PIWIL3: variants seen among roughly 807,000 people sequenced by gnomAD.
PIWIL3 encodes piwi-like protein 3.
In PIWIL3, 101 loss-of-function variants were observed where a neutral mutation model predicts 109.7. The observed-to-expected ratio is 0.92, with a 90% CI of 0.78 to 1.09. The LOEUF is 1.09. PIWIL3 is among the 50% of genes least tolerant of loss of function. The pLI, the probability that PIWIL3 is intolerant of heterozygous loss-of-function variation, is 0.00. For synonymous variants in PIWIL3, 373 were observed against 376.4 expected, an observed-to-expected ratio of 0.99 and a Z score of 0.10; for missense variants, 1,031 against 1,072.6, an observed-to-expected ratio of 0.96 and a Z score of 0.54.
intron 7 of PIWIL3, 139 bp from the exon 8 acceptor site, chr22:24,754,356 A>T: frequency 3.0e-6 from 2 of 671,102 alleles, no homozygotes; most frequent in Non-Finnish European, 4.9e-6. Flanking sequence ...AAGGACCTTC[A>T]GATAAACATT....
intron 1 of PIWIL3, among the ~76,000 whole-genome samples, chr22:24,764,595 C>T (rs1925673045): frequency 6.7e-6 from 1 of 148,388 alleles, no homozygotes; most frequent in Admixed American, 6.7e-5. Flanking sequence ...TCTATTTATT[C>T]CAGGTTTCTG....
intron 2 of PIWIL3, 33 bp from the exon 3 acceptor site, chr22:24,760,022 G>T (rs751094184): frequency 1.9e-6 from 3 of 1,611,838 alleles, no homozygotes; most frequent in Non-Finnish European, 1.7e-6. Flanking sequence ...ATAATGAGCA[G>T]TGCCCTACTG....
Position 24,748,917 on chromosome 22 carries a change from C to T in PIWIL3, c.1439G>A (p.Gly480Asp), listed in dbSNP as rs771552500. 3.7e-6 allele frequency: 6 copies of T among 1,610,286 alleles called. No individual in the cohort carries two copies. The South Asian group carries it at 4.4e-5, about 12-fold the overall frequency. The change falls in exon 12 of 21, where the codon GGC becomes GAC. Residue 480 changes from glycine (G) to aspartate (D), a missense_variant. By Grantham distance (94) the Gly-to-Asp change is moderately conservative (BLOSUM62 -1). Coordinates refer to ENST00000616349, the MANE Select transcript of PIWIL3 (RefSeq NM_001255975.1). ...RVLKNANIVQ[G>D]RRMVKANSQG... ...TTGAAACTGTCTTACCATTCTTCTGCCTTGCACGATGTTTGCGTTTTTCAA... is the reference window on the plus strand; with the variant it reads ...TTGAAACTGTCTTACCATTCTTCTGTCTTGCACGATGTTTGCGTTTTTCAA...
At chr22:24,749,914 A>T in intron 9 of PIWIL3, 95 bp from the exon 10 acceptor site, 1 of 1,553,112 alleles carries the variant, frequency 6.4e-7, no homozygotes, top group Non-Finnish European at 8.9e-7. Context: ...ACTACAAATG[A>T]AGGGCCACAG....
chr22:24,737,557 G>A (rs923308882), intron 12 of PIWIL3, among the ~76,000 whole-genome samples: 5 of 152,146 alleles, frequency 3.3e-5, no homozygotes, highest in African/African-American at 1.2e-4. Context: ...GAAAAGTAGA[G>A]GGAAAAGTGG....
At chr22:24,762,161 G>T in intron 2 of PIWIL3, 2 of 922,684 alleles carry the variant, frequency 2.2e-6, no homozygotes, top group Non-Finnish European at 2.8e-6. Flanking sequence ...TCCACTTTGG[G>T]CTGAAAGTCA....
intron 1 of PIWIL3, among the ~76,000 whole-genome samples, chr22:24,764,118 G>A (rs575286639): frequency 6.6e-6 from 1 of 152,324 alleles, no homozygotes; most frequent in East Asian, 1.9e-4. Flanking sequence ...CGCACACTCA[G>A]GAAAGCAGGC....
Position 24,757,947 on chromosome 22 carries a change from T to C in PIWIL3, c.316A>G (p.Thr106Ala). The C allele has an allele frequency of 6.2e-7, 1 of 1,613,790 alleles. No homozygotes were observed. The highest frequency in any genetic ancestry group is 8.5e-7 in the Non-Finnish European group (1 of 1,179,892). Residue 106 changes from threonine to alanine, a missense_variant, in exon 4 of 21, where the codon ACC (threonine) becomes GCC (alanine). Physicochemically the swap from Thr to Ala is moderately conservative, Grantham distance 58. Transcript: ENST00000616349. The part of the protein sequence containing the change: ...GGVFQDLVVN[T>A]RQDMKHVKDS... ...TTAACATGCTTCATATCTTGCCTGG[T>C]GTTCACCACCAGGTCTTGAAAAACT... is the stretch of plus-strand genomic sequence containing the variant.
intron 14 of PIWIL3, among the ~76,000 whole-genome samples, chr22:24,729,885 A>G (rs1211143365): frequency 6.7e-6 from 1 of 150,188 alleles, no homozygotes; most frequent in Non-Finnish European, 1.5e-5. Flanking sequence ...TTGGTGTTTC[A>G]TATTTTATTA....
chr22:24,740,673 A>G (rs1021740746), intron 12 of PIWIL3, among the ~76,000 whole-genome samples: 4 of 152,164 alleles, frequency 2.6e-5, no homozygotes, highest in Non-Finnish European at 5.9e-5. Flanking sequence ...AGATGGATAA[A>G]TTCCTGGAAC....
chr22:24,740,547 CAA>C (rs528700128), intron 12 of PIWIL3, among the ~76,000 whole-genome samples: 7 of 112,448 alleles, frequency 6.2e-5, no homozygotes, highest in Admixed American at 1.9e-4. Flanking sequence ...GACTCCATCT[CAA>C]AAAAAAAAAA....
intron 5 of PIWIL3, 146 bp downstream of exon 5, chr22:24,756,345 G>T: frequency 1.4e-6 from 1 of 711,862 alleles, no homozygotes; most frequent in Non-Finnish European, 2.3e-6. Flanking sequence ...ACCGAACATG[G>T]CACATAGGTT....
intron 12 of PIWIL3, 125 bp from the exon 13 acceptor site, chr22:24,736,017 A>G (rs759069910): frequency 5.1e-6 from 4 of 783,954 alleles, no homozygotes; most frequent in Non-Finnish European, 7.8e-6. Context: ...TTGAATGGCC[A>G]ATGTAGGTAT....
Position 24,755,890 on chromosome 22 carries a change from T to C in PIWIL3, c.586A>G (p.Ser196Gly), listed in dbSNP as rs767144512. 3.7e-6 allele frequency: 6 copies of C among 1,613,180 alleles called. No individual in the cohort carries two copies. In the Admixed American group the frequency reaches 1.0e-4, roughly 27 times the overall value. The change falls in exon 6 of 21, where the codon AGC (serine) becomes GGC (glycine). Residue 196 changes from serine (S) to glycine (G), a missense_variant. Ser to Gly is a moderately conservative substitution (Grantham distance 56). Coordinates refer to ENST00000616349, the MANE Select transcript of PIWIL3 (RefSeq NM_001255975.1). ...ACGATGTTTTTGTCTTTGGTTGTGC[T>C]CAACCATTCCACTCTCTGAGATTAA... Reference protein sequence around the residue: ...PLKERRVEWLSTTKDKNIVKI... With the variant: ...PLKERRVEWLGTTKDKNIVKI...
intron 1 of PIWIL3, among the ~76,000 whole-genome samples, chr22:24,772,025 C>T (rs1446451221): frequency 6.6e-6 from 1 of 152,148 alleles, no homozygotes; most frequent in African/African-American, 2.4e-5. Context: ...CTATAGTGCT[C>T]AGTTGGCCAA....
At chr22:24,725,852 A>G (rs1264049036) in intron 16 of PIWIL3, among the ~76,000 whole-genome samples, 3 of 152,090 alleles carry the variant, frequency 2.0e-5, no homozygotes, top group African/African-American at 7.2e-5. Flanking sequence ...TTTGGGACCA[A>G]TGCCCTCAAC....
At chr22:24,738,786 A>G (rs1923813778) in intron 12 of PIWIL3, among the ~76,000 whole-genome samples, 1 of 152,204 alleles carries the variant, frequency 6.6e-6, no homozygotes, top group South Asian at 2.1e-4. Context: ...GAAGAGAACA[A>G]TGAAAACCTA....
chr22:24,734,740 G>T (rs779310751), intron 13 of PIWIL3, among the ~76,000 whole-genome samples: 4 of 150,664 alleles, frequency 2.7e-5, no homozygotes, highest in African/African-American at 4.9e-5. Context: ...GAGGGGAAAA[G>T]AATTTATTTT....
At chr22:24,740,639 C>G (rs1923952673) in intron 12 of PIWIL3, among the ~76,000 whole-genome samples, 1 of 151,550 alleles carries the variant, frequency 6.6e-6, no homozygotes, top group Non-Finnish European at 1.5e-5. Flanking sequence ...CACCTTTACA[C>G]ACACAAACTA....
Sources: allele counts gnomAD v4.1 joint callset (sites outside exome capture counted in the v4.1 genomes callset), GRCh38; gene constraint gnomAD v4.1.1; transcripts MANE v1.5; gene names NCBI Gene and HGNC (gene_info 2026-07-23, HGNC 2026-07-21).